Variants in TNIP1 observed in about 807,000 individuals in gnomAD.
TNIP1 encodes TNFAIP3 interacting protein 1.
In TNIP1, 22 loss-of-function variants were observed where a neutral mutation model predicts 86.6. That is an observed-to-expected ratio of 0.25 (90% CI 0.18 to 0.36). The LOEUF (loss-of-function observed/expected upper bound fraction) is 0.36. TNIP1 is among the 10% of genes least tolerant of loss of function. The probability of loss-of-function intolerance (pLI) is 1.00; values close to 1 mark genes in which losing one functional copy is unlikely to be tolerated. For missense variants in TNIP1, 709 were observed against 820.6 expected, an observed-to-expected ratio of 0.86 and a Z score of 1.66; for synonymous variants, 294 against 313.0, an observed-to-expected ratio of 0.94 and a Z score of 0.64.
chr5:151,039,405 G>C (rs749766897), intron 11 of TNIP1, among the ~76,000 whole-genome samples, 180 bp from the exon 12 acceptor site: 1 of 152,058 alleles, frequency 6.6e-6, no homozygotes, highest in Non-Finnish European at 1.5e-5. Flanking sequence ...CAATTATTAT[G>C]TGTCAATTTA....
intron 14 of TNIP1, 141 bp from the exon 15 acceptor site, chr5:151,035,208 G>C: frequency 2.1e-6 from 2 of 955,058 alleles, no homozygotes; most frequent in African/African-American, 1.6e-5. Context: ...CCCCGGGAAA[G>C]GGCCCTGAGG....
At chr5:151,051,621 G>A (rs190649287) in intron 7 of TNIP1, among the ~76,000 whole-genome samples, 51 of 152,322 alleles carry the variant, frequency 3.3e-4, no homozygotes, top group Admixed American at 1.2e-3. Flanking sequence ...TGCCTACCTC[G>A]TTCATAATCA....
Position 151,033,599 on chromosome 5 carries a change from CAG to C in TNIP1, c.1779+7_1779+8del, listed in dbSNP as rs776174642. 7.2e-7 allele frequency: 1 copy of C among 1,390,158 alleles called. No individual in the cohort carries two copies. The highest frequency in any genetic ancestry group is 1.5e-5 in the African/African-American group (1 of 67,488). 86.1% of individuals were successfully genotyped at this position (1,390,158 alleles called of 1,614,324 possible). A position where few individuals can be genotyped will look rare whatever the true frequency, so the allele number is the denominator to read the frequency against. On this transcript the variant is annotated splice_region_variant and intron_variant, in intron 16 of 17. Transcript: ENST00000521591. ...TGTGCCCTGGAGCAAGGGAGGGACA[CAG>C]ACTCACCAGATGGAAGAGGCGCGAG...
intron 6 of TNIP1, among the ~76,000 whole-genome samples, chr5:151,052,676 G>A (rs1423071583): frequency 1.3e-5 from 2 of 152,186 alleles, no homozygotes; most frequent in African/African-American, 4.8e-5. Flanking sequence ...GGCTAACTCC[G>A]TTATCCTTGC....
intron 1 of TNIP1, among the ~76,000 whole-genome samples, chr5:151,076,044 G>A (rs1448012335): frequency 6.6e-6 from 1 of 152,254 alleles, no homozygotes; most frequent in Non-Finnish European, 1.5e-5. Flanking sequence ...GTCCCTGGGA[G>A]AGAAGAGTTC....
At chr5:151,038,638 G>A (rs190908452) in intron 12 of TNIP1, among the ~76,000 whole-genome samples, 1 of 152,170 alleles carries the variant, frequency 6.6e-6, no homozygotes, top group Admixed American at 6.5e-5. Flanking sequence ...CTTGATGCCA[G>A]GCGCTGTACA....
intron 3 of TNIP1, among the ~76,000 whole-genome samples, chr5:151,062,739 G>A (rs1761740675): frequency 6.6e-6 from 1 of 152,140 alleles, no homozygotes; most frequent in Non-Finnish European, 1.5e-5. Context: ...TCTGAGAGTG[G>A]ACCTGGCACC....
chr5:151,055,564 G>A (rs370943694), intron 6 of TNIP1, among the ~76,000 whole-genome samples: 30 of 152,174 alleles, frequency 2.0e-4, no homozygotes, highest in African/African-American at 6.8e-4. Flanking sequence ...CTCTCGTTCA[G>A]CCTCACCTCC....
chr5:151,048,577 C>T (rs1331987256), intron 8 of TNIP1, among the ~76,000 whole-genome samples: 2 of 152,124 alleles, frequency 1.3e-5, no homozygotes, highest in African/African-American at 2.4e-5. Context: ...AAGGGCAAGT[C>T]GCTCCCACTC....
intron 1 of TNIP1, chr5:151,078,460 A>T (rs1391947497): frequency 6.6e-6 from 1 of 152,256 alleles, no homozygotes; most frequent in Non-Finnish European, 1.5e-5. Context: ...AAAGAGAAAG[A>T]CAGTAAACAA....
At chr5:151,046,978 A>G (rs1325579495) in intron 8 of TNIP1, among the ~76,000 whole-genome samples, 1 of 152,248 alleles carries the variant, frequency 6.6e-6, no homozygotes, top group Non-Finnish European at 1.5e-5. Context: ...TAACTGCTGC[A>G]GGTGGAGATC....
At chr5:151,046,745 G>A (rs766478585) in intron 8 of TNIP1, among the ~76,000 whole-genome samples, 63 of 152,102 alleles carry the variant, frequency 4.1e-4, no homozygotes, top group Non-Finnish European at 7.8e-4. Flanking sequence ...AACATCTATG[G>A]CCAAAACGGG....
intron 7 of TNIP1, among the ~76,000 whole-genome samples, 185 bp downstream of exon 7, chr5:151,051,980 C>A (rs1759984367): frequency 6.6e-6 from 1 of 152,116 alleles, no homozygotes; most frequent in Non-Finnish European, 1.5e-5. Context: ...CCCAAGGTGG[C>A]AAAAGGGCCA....
At chr5:151,083,485 G>A (rs1313225908), upstream of TNIP1, among the ~76,000 whole-genome samples, 1 of 152,190 alleles carries the variant, frequency 6.6e-6, no homozygotes, top group African/African-American at 2.4e-5. Flanking sequence ...GCCTGGCACT[G>A]CCTGCTACCC....
intron 6 of TNIP1, among the ~76,000 whole-genome samples, chr5:151,053,380 G>A (rs754292667): frequency 6.6e-6 from 1 of 152,186 alleles, no homozygotes; most frequent in Non-Finnish European, 1.5e-5. Flanking sequence ...AAAGTGCTGG[G>A]ATTACAGGCA....
chr5:151,063,853 C>T, intron 2 of TNIP1, 106 bp from the exon 3 acceptor site: 6 of 1,430,614 alleles, frequency 4.2e-6, no homozygotes, highest in Admixed American at 2.1e-5. Flanking sequence ...TCTGAGGCTC[C>T]AGGCCCTGGA....
At chr5:151,054,872 T>A (rs1437341303) in intron 6 of TNIP1, among the ~76,000 whole-genome samples, 1 of 152,138 alleles carries the variant, frequency 6.6e-6, no homozygotes. Context: ...AGATGCCATG[T>A]CTCTGGGCGA....
At position 151,045,875 on chromosome 5, in the gene TNIP1, G is replaced by T. The variant is rs1380751909; in HGVS notation, c.922C>A (p.Gln308Lys). ...CGGCCACCTACCTCACTGCGCTGCT[G>T]CTCCAGCATCTTCACCTTCTTCTCG... Reference protein sequence around the residue: ...AAEKKVKMLEQQRSELLEVNK... With the variant: ...AAEKKVKMLEKQRSELLEVNK... The change falls in exon 9 of 18, where the codon CAG becomes AAG. Residue 308 changes from glutamine (Q) to lysine (K), a missense_variant. Transcript: ENST00000521591. The T allele has an allele frequency of 2.5e-6, 4 of 1,613,942 alleles. No individual in the cohort carries two copies. The highest frequency in any genetic ancestry group is 3.4e-6 in the Non-Finnish European group (4 of 1,180,026).
chr5:151,035,824 C>A, intron 13 of TNIP1, 117 bp from the exon 14 acceptor site: 1 of 1,371,348 alleles, frequency 7.3e-7, no homozygotes, highest in South Asian at 1.3e-5. Flanking sequence ...TGGGGGTCGC[C>A]ATGGGGAGTG....
Sources: allele counts gnomAD v4.1 joint callset (sites outside exome capture counted in the v4.1 genomes callset), GRCh38; gene constraint gnomAD v4.1.1; transcripts MANE v1.5; gene names NCBI Gene and HGNC (gene_info 2026-07-23, HGNC 2026-07-21).